Variants in RSRC1 observed in about 807,000 individuals in gnomAD.
RSRC1 encodes the protein arginine and serine rich coiled-coil 1.
Under a neutral mutation model 49.1 loss-of-function variants are expected in RSRC1, and 39 were observed. That is an observed-to-expected ratio of 0.79 (90% CI 0.61 to 1.04). The LOEUF is 1.04. Among genes scored for constraint, RSRC1 ranks in the 50% least tolerant of loss-of-function variants. The probability of loss-of-function intolerance (pLI) is 0.00; values close to 1 mark genes in which losing one functional copy is unlikely to be tolerated. For missense variants in RSRC1, 388 were observed against 402.4 expected (o/e 0.96, Z 0.31); for synonymous variants, 143 against 130.8 (o/e 1.09, Z -0.63).
chr3:158,110,686 C>G (rs1010793937), intron 1 of RSRC1: 2 of 152,542 alleles, frequency 1.3e-5, no homozygotes, highest in African/African-American at 4.8e-5. Context: ...ATCCAGCTCT[C>G]TTTCTGATTC....
At chr3:158,485,183 G>C (rs2108440613) in intron 7 of RSRC1, among the ~76,000 whole-genome samples, 1 of 152,008 alleles carries the variant, frequency 6.6e-6, no homozygotes, top group Non-Finnish European at 1.5e-5. Context: ...GCTGTTTTAT[G>C]TATCTTGTTT....
chr3:158,308,787 A>T (rs1006141886), intron 5 of RSRC1, among the ~76,000 whole-genome samples: 9 of 151,926 alleles, frequency 5.9e-5, no homozygotes, highest in African/African-American at 2.2e-4. Flanking sequence ...TCTCTTGATG[A>T]TTGCAGTTTT....
intron 6 of RSRC1, among the ~76,000 whole-genome samples, chr3:158,395,053 C>T (rs544027426): frequency 4.7e-4 from 71 of 152,120 alleles, no homozygotes; most frequent in Non-Finnish European, 8.1e-4. Flanking sequence ...CAATCTTTAA[C>T]GAAGTCAACA....
chr3:158,319,297 C>T (rs995664492), intron 5 of RSRC1, among the ~76,000 whole-genome samples: 1 of 152,144 alleles, frequency 6.6e-6, no homozygotes, highest in East Asian at 1.9e-4. Flanking sequence ...CTTCCCCACT[C>T]TCACTCTCTC....
chr3:158,474,527 G>A (rs1000225450), intron 7 of RSRC1, among the ~76,000 whole-genome samples: 2 of 152,260 alleles, frequency 1.3e-5, no homozygotes, highest in African/African-American at 4.8e-5. Flanking sequence ...CAACAATGAA[G>A]TTTGCTGCAT....
At chr3:158,515,894 C>G (rs1332415392) in intron 7 of RSRC1, among the ~76,000 whole-genome samples, 1 of 151,892 alleles carries the variant, frequency 6.6e-6, no homozygotes, top group Non-Finnish European at 1.5e-5. Flanking sequence ...ATCACATCGG[C>G]TCCTGAGGCT....
chr3:158,486,858 A>G (rs1330673680), intron 7 of RSRC1, among the ~76,000 whole-genome samples: 1 of 152,128 alleles, frequency 6.6e-6, no homozygotes, highest in Non-Finnish European at 1.5e-5. Context: ...TGCACTGGAA[A>G]ATTATTTTCC....
chr3:158,477,081 G>A (rs2108430438), intron 7 of RSRC1, among the ~76,000 whole-genome samples: 1 of 152,210 alleles, frequency 6.6e-6, no homozygotes, highest in East Asian at 1.9e-4. Context: ...GTGACTGAGT[G>A]ACTGCAGTTT....
At chr3:158,244,159 A>G (rs1213146451) in intron 4 of RSRC1, among the ~76,000 whole-genome samples, 3 of 152,028 alleles carry the variant, frequency 2.0e-5, no homozygotes, top group East Asian at 1.9e-4. Context: ...TTCCAATACT[A>G]TGTTGAATAG....
At chr3:158,274,551 C>G (rs1435100000) in intron 4 of RSRC1, among the ~76,000 whole-genome samples, 3 of 151,898 alleles carry the variant, frequency 2.0e-5, no homozygotes, top group African/African-American at 7.3e-5. Context: ...TTTTGAAACC[C>G]CTAGAGAAGA....
At chr3:158,335,033 G>A (rs532386042) in intron 5 of RSRC1, among the ~76,000 whole-genome samples, 2 of 152,146 alleles carry the variant, frequency 1.3e-5, no homozygotes, top group Admixed American at 1.3e-4. Flanking sequence ...ACATAATGCT[G>A]TTTCCTTTCC....
At chr3:158,353,301 C>G (rs1324606514) in intron 5 of RSRC1, among the ~76,000 whole-genome samples, 1 of 152,158 alleles carries the variant, frequency 6.6e-6, no homozygotes, top group African/African-American at 2.4e-5. Context: ...CACATCTCCC[C>G]TTTGTTTAAA....
intron 5 of RSRC1, among the ~76,000 whole-genome samples, chr3:158,348,972 G>C (rs4679826): frequency 6.6e-6 from 1 of 152,184 alleles, no homozygotes; most frequent in South Asian, 2.1e-4. Context: ...CATATACCAC[G>C]TTTTCTTTAT....
chr3:158,437,480 T>G (rs1160442487), intron 6 of RSRC1, among the ~76,000 whole-genome samples: 1 of 152,104 alleles, frequency 6.6e-6, no homozygotes, highest in African/African-American at 2.4e-5. Context: ...CAAGTCAGCT[T>G]CATCCCTGGG....
rs151322718 is a variant in RSRC1 at position 158,164,544 on chromosome 3, T to G, written c.321-38528T>G. On this transcript the variant is annotated intron_variant, in intron 3 of 9. Transcript: ENST00000611884. Reference sequence around the variant, plus strand: ...CTTTTAAATTATAGCCAGTGTTTTTTTTCTTTGTTTAAGTGCTGTATACTT... The same window carrying G: ...CTTTTAAATTATAGCCAGTGTTTTTGTTCTTTGTTTAAGTGCTGTATACTT... 7.2e-5 allele frequency among the ~76,000 whole-genome samples: 11 copies of G among 152,260 alleles called. No homozygotes were observed. In the East Asian group the frequency reaches 2.1e-3, roughly 29 times the overall value.
chr3:158,522,340 T>C (rs983054053), intron 7 of RSRC1, among the ~76,000 whole-genome samples: 17 of 152,064 alleles, frequency 1.1e-4, no homozygotes, highest in Non-Finnish European at 2.2e-4. Context: ...CAGGTTTCAC[T>C]CTGTCATCCT....
At chr3:158,537,226 A>T in intron 8 of RSRC1, 28 bp downstream of exon 8, 1 of 1,347,408 alleles carries the variant, frequency 7.4e-7, no homozygotes. Context: ...CATTATGAGT[A>T]AACCTTTGGA....
chr3:158,428,321 A>G (rs1171882234), intron 6 of RSRC1, among the ~76,000 whole-genome samples: 1 of 151,860 alleles, frequency 6.6e-6, no homozygotes, highest in Non-Finnish European at 1.5e-5. Context: ...ACTGAATAGA[A>G]AATAATTTTA....
At chr3:158,524,518 A>G (rs556582936) in intron 7 of RSRC1, among the ~76,000 whole-genome samples, 1 of 152,142 alleles carries the variant, frequency 6.6e-6, no homozygotes, top group East Asian at 1.9e-4. Context: ...TCTTTGCAGA[A>G]TTCATATTCT....
Sources: allele counts gnomAD v4.1 joint callset (sites outside exome capture counted in the v4.1 genomes callset), GRCh38; gene constraint gnomAD v4.1.1; transcripts MANE v1.5; gene names NCBI Gene and HGNC (gene_info 2026-07-23, HGNC 2026-07-21).